TBC1D9: variants seen among roughly 807,000 people sequenced by gnomAD.
The protein encoded by TBC1D9 is TBC1 domain family member 9A.
In TBC1D9, 63 loss-of-function variants were observed where a neutral mutation model predicts 132.0. The ratio of observed to expected loss-of-function variants is 0.48; its 90% CI spans 0.39 to 0.59. TBC1D9 has a LOEUF of 0.59. Ranked by LOEUF, TBC1D9 falls within the 20% of genes least tolerant of loss-of-function variation. The probability of loss-of-function intolerance (pLI) is 0.00; values close to 1 mark genes in which losing one functional copy is unlikely to be tolerated. For missense variants in TBC1D9, 1,261 were observed against 1,592.7 expected (o/e 0.79, Z 3.54); for synonymous variants, 610 against 609.9 (o/e 1.00, Z 0.00).
At chr4:140,737,039 G>C (rs1442577564) in intron 1 of TBC1D9, among the ~76,000 whole-genome samples, 4 of 152,172 alleles carry the variant, frequency 2.6e-5, no homozygotes, top group Admixed American at 6.5e-5. Flanking sequence ...GTTTCGGGAT[G>C]AAACTGTTCC....
At chr4:140,723,992 C>T (rs1738461715) in intron 1 of TBC1D9, among the ~76,000 whole-genome samples, 1 of 152,148 alleles carries the variant, frequency 6.6e-6, no homozygotes, top group Admixed American at 6.6e-5. Flanking sequence ...ATCCTCCCAC[C>T]TCAGACTCCC....
intron 1 of TBC1D9, among the ~76,000 whole-genome samples, chr4:140,713,003 C>A (rs1417418272): frequency 6.6e-6 from 1 of 152,148 alleles, no homozygotes; most frequent in Non-Finnish European, 1.5e-5. Context: ...AGCTTATATA[C>A]CTTCTAAGCT....
chr4:140,646,031 T>C (rs1737098667), intron 13 of TBC1D9, among the ~76,000 whole-genome samples: 2 of 152,226 alleles, frequency 1.3e-5, no homozygotes, highest in South Asian at 4.1e-4. Context: ...TGTTTTTGCT[T>C]AGTAAATCTA....
intron 2 of TBC1D9, among the ~76,000 whole-genome samples, chr4:140,687,400 A>G (rs1737806709): frequency 8.0e-6 from 1 of 124,864 alleles, no homozygotes. Context: ...ATATATAAAC[A>G]TATAGTATGC....
chr4:140,661,216 T>C (rs997909951), intron 10 of TBC1D9, among the ~76,000 whole-genome samples: 5 of 152,196 alleles, frequency 3.3e-5, no homozygotes, highest in African/African-American at 7.2e-5. Flanking sequence ...ACCTGGCCGA[T>C]ATAGCCTTTG....
chr4:140,675,683 C>T (rs1737613317), intron 6 of TBC1D9, among the ~76,000 whole-genome samples: 1 of 152,170 alleles, frequency 6.6e-6, no homozygotes, highest in Non-Finnish European at 1.5e-5. Flanking sequence ...AGATCTAAAA[C>T]TTGCAGAGAT....
chr4:140,643,268 C>G, intron 13 of TBC1D9: 2 of 1,302,194 alleles, frequency 1.5e-6, no homozygotes, highest in Admixed American at 2.0e-5. Flanking sequence ...CGATCTCGCT[C>G]AGCAGGGTGA....
In TBC1D9 at chr4:140,662,010, CCT is replaced by C; in HGVS notation, c.1684_1685del (p.Arg562GlyfsTer15). 6 of 1,613,836 alleles carry C rather than the reference CCT, an allele frequency of 3.7e-6. No homozygotes were observed. Among genetic ancestry groups the C allele is most frequent in the Non-Finnish European group, 5.1e-6 (6 of 1,179,820 alleles). On this transcript the variant is annotated frameshift_variant, in exon 10 of 21. Transcript: ENST00000442267. LOFTEE classifies it high-confidence loss of function. ...KYNLATEEIE[R>X]DLHRSLPEHP... The stretch of plus-strand genomic sequence containing the variant: ...GTTCTGGAAGGGAGCGGTGTAAATC[CCT>C]CTCAATCTCCTCCGTGGCGAGATTA...
At chr4:140,753,026 C>T (rs560542127) in intron 1 of TBC1D9, among the ~76,000 whole-genome samples, 1 of 152,310 alleles carries the variant, frequency 6.6e-6, no homozygotes, top group South Asian at 2.1e-4. Flanking sequence ...CTTCCCTCCT[C>T]TCCTCACAGG....
chr4:140,633,247 C>A (rs1736826755), intron 16 of TBC1D9, among the ~76,000 whole-genome samples: 4 of 152,228 alleles, frequency 2.6e-5, no homozygotes, highest in Admixed American at 6.5e-5. Flanking sequence ...CTCATTCTGG[C>A]ATAATGCCTG....
chr4:140,691,369 A>G (rs1404737601), intron 2 of TBC1D9, among the ~76,000 whole-genome samples: 1 of 152,264 alleles, frequency 6.6e-6, no homozygotes, highest in Non-Finnish European at 1.5e-5. Context: ...TCTCAAGCAG[A>G]TTAAGTACAT....
At chr4:140,638,307 G>A (rs1211926416) in intron 15 of TBC1D9, among the ~76,000 whole-genome samples, 1 of 151,988 alleles carries the variant, frequency 6.6e-6, no homozygotes, top group Admixed American at 6.6e-5. Flanking sequence ...TGATACCTAT[G>A]ACAAAAATAT....
Position 140,643,922 on chromosome 4 carries a change from G to A in TBC1D9, c.2338-4494C>T, listed in dbSNP as rs936268888. ...GCAACTCCAGAGGCGGCAGCTCTGCGGGGCGCTCGTCCACATCCTCCACCT... is the reference window on the plus strand; with the variant it reads ...GCAACTCCAGAGGCGGCAGCTCTGCAGGGCGCTCGTCCACATCCTCCACCT... On this transcript the variant is annotated intron_variant, in intron 13 of 20. Transcript: ENST00000442267. 1.0e-5 allele frequency: 7 copies of A among 679,330 alleles called. No individual in the cohort carries two copies. In the East Asian group the frequency reaches 1.8e-4, roughly 17 times the overall value. The allele number at this position is 679,330 out of a possible 1,614,324, so 42.1% of individuals were successfully genotyped here.
intron 6 of TBC1D9, 101 bp from the exon 7 acceptor site, chr4:140,671,027 A>G (rs1431675146): frequency 5.6e-5 from 53 of 953,942 alleles, no homozygotes; most frequent in Non-Finnish European, 8.4e-5. Flanking sequence ...TCATTATTCT[A>G]TAGGAACCAC....
chr4:140,748,583 C>A (rs1738873675), intron 1 of TBC1D9, among the ~76,000 whole-genome samples: 1 of 152,100 alleles, frequency 6.6e-6, no homozygotes, highest in Admixed American at 6.5e-5. Context: ...ACCTTAAAAG[C>A]AGTTAGAGAA....
At position 140,642,454 on chromosome 4, in the gene TBC1D9, T is replaced by C. The variant is rs138946216; in HGVS notation, c.2338-3026A>G. On this transcript the variant is annotated intron_variant, in intron 13 of 20. Transcript: ENST00000442267. ...CAGCAGGCTGTCATAAGGAGTTAAG[T>C]ACTTGCTGCAGCCCCTGCCAGTTTT... The C allele has an allele frequency of 1.9e-4, 173 of 905,486 alleles. 1 individual carries two copies. In the East Asian group the frequency reaches 4.5e-3, roughly 24 times the overall value. The allele number at this position is 905,486 out of a possible 1,614,324, so 56.1% of individuals were successfully genotyped here.
At chr4:140,683,033 T>G (rs1737729447) in intron 3 of TBC1D9, among the ~76,000 whole-genome samples, 1 of 152,070 alleles carries the variant, frequency 6.6e-6, no homozygotes, top group East Asian at 1.9e-4. Flanking sequence ...ATTACAGGCA[T>G]GCACCACCAC....
At chr4:140,641,559 G>C (rs1215405471) in intron 13 of TBC1D9, among the ~76,000 whole-genome samples, 4 of 151,928 alleles carry the variant, frequency 2.6e-5, no homozygotes, top group Admixed American at 2.6e-4. Flanking sequence ...CACTGGGCCC[G>C]TGCCCAAAGA....
intron 18 of TBC1D9, among the ~76,000 whole-genome samples, chr4:140,626,912 T>A (rs748699668): frequency 1.3e-5 from 2 of 152,218 alleles, no homozygotes. Flanking sequence ...TTATAGGCAC[T>A]GAAGTTTCTA....
Sources: allele counts gnomAD v4.1 joint callset (sites outside exome capture counted in the v4.1 genomes callset), GRCh38; gene constraint gnomAD v4.1.1; transcripts MANE v1.5; gene names NCBI Gene and HGNC (gene_info 2026-07-23, HGNC 2026-07-21).